SPTBN2: variants seen among roughly 807,000 people sequenced by gnomAD.
SPTBN2 encodes the protein spectrin beta, non-erythrocytic 2, also known as spectrin beta chain, non-erythrocytic 2.
A neutral mutation model predicts 284.2 loss-of-function variants in SPTBN2; 107 were observed. The ratio of observed to expected loss-of-function variants is 0.38; its 90% CI spans 0.32 to 0.44. The LOEUF is 0.44. Ranked by LOEUF, SPTBN2 falls within the 20% of genes least tolerant of loss-of-function variation. The pLI is 1.00. For missense variants in SPTBN2, 2,569 were observed against 3,287.1 expected, an observed-to-expected ratio of 0.78 and a Z score of 5.34; for synonymous variants, 1,289 against 1,354.8, an observed-to-expected ratio of 0.95 and a Z score of 1.07.
chr11:66,722,276 A>G (rs1489201591), intron 1 of SPTBN2, among the ~76,000 whole-genome samples: 1 of 152,098 alleles, frequency 6.6e-6, no homozygotes, highest in East Asian at 1.9e-4. Context: ...AGGAAGCTGC[A>G]CAAAAGATAT....
In SPTBN2 at chr11:66,688,307, T is replaced by C. The variant is rs1940292316; in HGVS notation, c.6236A>G (p.Glu2079Gly). The change falls in exon 32 of 38, where the codon GAG (glutamate) becomes GGG (glycine). Residue 2079 changes from glutamate (E) to glycine (G), a missense_variant. Physicochemically the swap from Glu to Gly is moderately conservative, Grantham distance 98. Transcript: ENST00000533211. ...FCALEKLTAL[E>G]EREKERKRKR... is the part of the protein sequence containing the mutation. ...TCTCTTTCGCTCCTTCTCCCGCTCC[T>C]CTAGCTGTCAAAAAATGCTGCATTC... 1 of 1,588,256 alleles carries C rather than the reference T, an allele frequency of 6.3e-7. No individual in the cohort carries two copies.
Position 66,684,279 on chromosome 11 carries a change from C to T in SPTBN2, c.*1592G>A, listed in dbSNP as rs995493904. Among the ~76,000 whole-genome samples the T allele has an allele frequency of 6.6e-6, 1 of 152,156 alleles. No homozygotes were observed. Among genetic ancestry groups the T allele is most frequent in the Non-Finnish European group, 1.5e-5 (1 of 68,022 alleles). The stretch of plus-strand genomic sequence containing the variant: ...GACAAACACTGTGCCCTGAAAGCTC[C>T]GATTGCCAAACCAGAGACAAAGGAG... On this transcript the variant is annotated 3_prime_UTR_variant, in exon 38 of 38. Transcript: ENST00000533211.
chr11:66,687,497 G>C lies in SPTBN2; in HGVS notation c.6652C>G (p.Gln2218Glu), dbSNP rs951185636. Residue 2218 changes from glutamine (Q) to glutamate (E), a missense_variant, in exon 35 of 38, where the codon CAG becomes GAG. Gln to Glu is a conservative substitution (Grantham distance 29). Transcript: ENST00000533211. The surrounding 1 kb of genome is among the most constrained non-coding windows in gnomAD (Gnocchi z 5.2). ...CACAGCATCCCCTCCATCTGCTCCT[G>C]GGCAGATGGCTCTGGGCCTCGAGGC... ...LPPRGPEPSA[Q>E]EQMEGMLCRK... 2 of 1,611,484 alleles carry C rather than the reference G, an allele frequency of 1.2e-6. No individual in the cohort carries two copies. Among genetic ancestry groups the C allele is most frequent in the African/African-American group, 1.3e-5 (1 of 74,916 alleles).
intron 27 of SPTBN2, 98 bp from the exon 28 acceptor site, chr11:66,690,381 A>G (rs1266022225): frequency 2.8e-6 from 4 of 1,437,248 alleles, no homozygotes. Context: ...TGCCTGTCTC[A>G]CAGCCAAAGA....
Position 66,718,511 on chromosome 11 carries a change from G to A in SPTBN2, c.158-2530C>T, listed in dbSNP as rs894137337. Among the ~76,000 whole-genome samples, 1 of 152,124 alleles carries A rather than the reference G, an allele frequency of 6.6e-6. No homozygotes were observed. Among genetic ancestry groups the A allele is most frequent in the Non-Finnish European group, 1.5e-5 (1 of 68,010 alleles). ...AGCAGGGTTGATGAAAGCAGCTGGT[G>A]AAAGCAGGAGGCCCCCGGGGTTGTG... On this transcript the variant is annotated intron_variant, in intron 3 of 37. Transcript: ENST00000533211. The surrounding 1 kb of genome is among the most constrained non-coding windows in gnomAD (Gnocchi z 4.8).
At chr11:66,709,072 G>C in intron 10 of SPTBN2, 53 bp from the exon 11 acceptor site, 2 of 1,466,828 alleles carry the variant, frequency 1.4e-6, no homozygotes, top group Non-Finnish European at 9.6e-7. Context: ...AGGGTCACAA[G>C]GACTCTTTAC....
At chr11:66,742,306 G>A (rs1290729141) in intron 1 of SPTBN2, among the ~76,000 whole-genome samples, 1 of 152,120 alleles carries the variant, frequency 6.6e-6, no homozygotes, top group Non-Finnish European at 1.5e-5. Flanking sequence ...TGAATACGTG[G>A]GTTTACGCTA....
chr11:66,686,734 C>A, intron 36 of SPTBN2: 1 of 636,780 alleles, frequency 1.6e-6, no homozygotes, highest in South Asian at 1.9e-5. Flanking sequence ...CAGATCCCTA[C>A]CTTTGGATTT....
In SPTBN2 at chr11:66,693,256, C is replaced by A. The variant is rs763501939; in HGVS notation, c.4784G>T (p.Arg1595Leu). The A allele has an allele frequency of 5.6e-6, 9 of 1,614,130 alleles. No individual in the cohort carries two copies. The highest frequency in any genetic ancestry group is 7.6e-6 in the Non-Finnish European group (9 of 1,180,034). ...EDALRAQQFY[R>L]DAAEAEAWMG... ...CCAGGCCTCCGCCTCGGCGGCATCGCGGTAGAACTGCTGGGCTCGCAGGGC... is the reference window on the plus strand; with the variant it reads ...CCAGGCCTCCGCCTCGGCGGCATCGAGGTAGAACTGCTGGGCTCGCAGGGC... The change falls in exon 24 of 38, where the codon CGC becomes CTC. Residue 1595 changes from arginine (R) to leucine (L), a missense_variant. Physicochemically the swap from Arg to Leu is moderately radical, Grantham distance 102 (BLOSUM62 -2). Transcript: ENST00000533211. This position sits in a 1 kb window ranked among gnomAD's most constrained non-coding sequence, Gnocchi z 5.7.
In SPTBN2 at chr11:66,698,704, G is replaced by A. The variant is rs779473079; in HGVS notation, c.3949C>T (p.Gln1317Ter). 6.2e-7 allele frequency: 1 copy of A among 1,614,246 alleles called. No individual in the cohort carries two copies. The highest frequency in any genetic ancestry group is 8.5e-7 in the Non-Finnish European group (1 of 1,180,054). Residue 1317 changes from glutamine (Q) to a stop codon, truncating the protein, a stop_gained, in exon 20 of 38, where the codon CAG (glutamine) becomes TAG (stop). Transcript: ENST00000533211. LOFTEE classifies it high-confidence loss of function. ...TCGGCCATGAATGCCTGGTGCTTCT[G>A]CCACTTAGTATGCAGGTTGCGGGCC... The part of the protein sequence containing the change: ...DEARNLHTKW[Q>*]KHQAFMAELA...
chr11:66,686,433 C>A lies in SPTBN2; in HGVS notation c.6904G>T (p.Asp2302Tyr). 1 of 1,614,028 alleles carries A rather than the reference C, an allele frequency of 6.2e-7. No homozygotes were observed. ...GCCTGGAATAAATATTCTTTTCCAT[C>A]CTGTAAGCTGTTGGGAGAGAGAGGC... is the stretch of plus-strand genomic sequence containing the variant. ...RKHVFKLGLQ[D>Y]GKEYLFQAKD... Residue 2302 changes from aspartate (D) to tyrosine (Y), a missense_variant, in exon 37 of 38, where the codon GAT becomes TAT. Transcript: ENST00000533211.
chr11:66,722,051 G>A (rs893792906), intron 1 of SPTBN2, among the ~76,000 whole-genome samples: 8 of 151,960 alleles, frequency 5.3e-5, no homozygotes, highest in Admixed American at 1.3e-4. Context: ...GTTATGATAC[G>A]CCAGGAAGAC....
intron 26 of SPTBN2, among the ~76,000 whole-genome samples, chr11:66,692,264 G>T (rs1218261323): frequency 1.3e-5 from 2 of 151,256 alleles, no homozygotes; most frequent in Non-Finnish European, 1.5e-5. Flanking sequence ...TTGTAGAGAT[G>T]GGGGGTCTCA....
chr11:66,708,367 T>C lies in SPTBN2; in HGVS notation c.1192-68A>G. ...AGGGCTCAGTGGGGCTGGAGGCACA[T>C]GGTAAGTCCCATGGAAGCTCGGTCT... On this transcript the variant is annotated intron_variant, in intron 11 of 37. Coordinates refer to ENST00000533211, the MANE Select transcript of SPTBN2 (RefSeq NM_006946.4). This position sits in a 1 kb window ranked among gnomAD's most constrained non-coding sequence, Gnocchi z 4.4. 3 of 1,446,074 alleles carry C rather than the reference T, an allele frequency of 2.1e-6. No individual in the cohort carries two copies. Among genetic ancestry groups the C allele is most frequent in the Non-Finnish European group, 2.8e-6 (3 of 1,081,946 alleles). The allele number at this position is 1,446,074 out of a possible 1,614,324, so 89.6% of individuals were successfully genotyped here.
Position 66,713,818 on chromosome 11 carries a change from A to T in SPTBN2, c.657-72T>A. The T allele has an allele frequency of 3.1e-6, 4 of 1,295,798 alleles. No individual in the cohort carries two copies. In the South Asian group the frequency reaches 4.7e-5, roughly 15 times the overall value. 80.3% of individuals were successfully genotyped at this position (1,295,798 alleles called of 1,614,324 possible). A position where few individuals can be genotyped will look rare whatever the true frequency, so the allele number is the denominator to read the frequency against. On this transcript the variant is annotated intron_variant, in intron 7 of 37. Transcript: ENST00000533211. ...CGAAGAGGAAGAGGAAACCCACACC[A>T]ATCTTTATCCCTAAGTCACCGACCC...
chr11:66,696,405 G>T lies in SPTBN2; in HGVS notation c.4150C>A (p.Arg1384=). ...AKARSLFDAN[R]AELFAQSCCA... Reference sequence around the variant, plus strand: ...CAGCTCTGGGCAAACAGCTCAGCTCGGTTGGCATCAAAGAGGCTGCGGGCC... The same window carrying T: ...CAGCTCTGGGCAAACAGCTCAGCTCTGTTGGCATCAAAGAGGCTGCGGGCC... The change falls in exon 21 of 38, where the codon CGA becomes AGA. Residue 1384 remains arginine (R), a synonymous_variant. Transcript: ENST00000533211. The T allele has an allele frequency of 1.2e-6, 2 of 1,613,308 alleles. No homozygotes were observed. The highest frequency in any genetic ancestry group is 1.7e-6 in the Non-Finnish European group (2 of 1,180,026).
chr11:66,714,448 A>G, intron 5 of SPTBN2, 41 bp from the exon 6 acceptor site: 1 of 1,519,560 alleles, frequency 6.6e-7, no homozygotes, highest in Non-Finnish European at 9.1e-7. Flanking sequence ...CCTGGACAGG[A>G]ACTCCTGGTG....
At chr11:66,732,356 G>C (rs2135604057), upstream of SPTBN2, among the ~76,000 whole-genome samples, 1 of 152,280 alleles carries the variant, frequency 6.6e-6, no homozygotes, top group African/African-American at 2.4e-5. Flanking sequence ...CATAGGAAAT[G>C]GAGAAAAGAG....
At position 66,708,888 on chromosome 11, in the gene SPTBN2, G is replaced by C; in HGVS notation, c.1191+14C>G. 6.2e-7 allele frequency: 1 copy of C among 1,610,438 alleles called. No homozygotes were observed. Among genetic ancestry groups the C allele is most frequent in the African/African-American group, 1.3e-5 (1 of 74,976 alleles). ...CCTGCCCTGAGGGTGGGTGGCCTGT[G>C]GGCAGCCACGGACCTTGTTGATGTC... On this transcript the variant is annotated intron_variant, in intron 11 of 37. Transcript: ENST00000533211. The surrounding 1 kb of genome is among the most constrained non-coding windows in gnomAD (Gnocchi z 4.4).
Sources: gnomAD v4.1 joint callset for allele counts (sites outside exome capture counted in the v4.1 genomes callset) on GRCh38, gnomAD v4.1.1 for gene constraint, Gnocchi (gnomAD v3.1) non-coding constraint, MANE v1.5 for transcripts, NCBI Gene and HGNC (gene_info 2026-07-23, HGNC 2026-07-21) for gene names.